ANO6: variants seen among roughly 807,000 people sequenced by gnomAD.
ANO6 encodes anoctamin-6.
Under a neutral mutation model 117.5 loss-of-function variants are expected in ANO6, and 106 were observed. That is an observed-to-expected ratio of 0.90 (90% CI 0.77 to 1.06). ANO6 has a LOEUF of 1.06. Among genes scored for constraint, ANO6 ranks in the 50% least tolerant of loss-of-function variants. The probability of loss-of-function intolerance (pLI) is 0.00; values close to 1 mark genes in which losing one functional copy is unlikely to be tolerated. For missense variants in ANO6, 955 were observed against 1,121.1 expected, an observed-to-expected ratio of 0.85 and a Z score of 2.12; for synonymous variants, 367 against 385.1, an observed-to-expected ratio of 0.95 and a Z score of 0.55.
At chr12:45,413,490 CAGG>C (rs1943137967) in intron 16 of ANO6, among the ~76,000 whole-genome samples, 1 of 152,202 alleles carries the variant, frequency 6.6e-6, no homozygotes, top group Non-Finnish European at 1.5e-5. Context: ...ACACAACAGT[CAGG>C]AGCTCAGAGG....
At chr12:45,331,486 A>AT (rs1463394774) in intron 3 of ANO6, 63 bp downstream of exon 3, 2 of 1,417,216 alleles carry the variant, frequency 1.4e-6, no homozygotes, top group Non-Finnish European at 1.9e-6. Flanking sequence ...AAAAACTGCT[A>AT]TTTTGTATAA....
At chr12:45,393,483 A>G (rs982367979) in intron 12 of ANO6, among the ~76,000 whole-genome samples, 3 of 152,218 alleles carry the variant, frequency 2.0e-5, no homozygotes, top group African/African-American at 7.2e-5. Context: ...CAAATTCAGG[A>G]AATACAGAGA....
chr12:45,319,181 C>A (rs1478944706), intron 2 of ANO6, among the ~76,000 whole-genome samples: 2 of 152,126 alleles, frequency 1.3e-5, no homozygotes, highest in African/African-American at 4.8e-5. Flanking sequence ...AGAGGGCATC[C>A]CTGTCTTGTG....
intron 1 of ANO6, among the ~76,000 whole-genome samples, chr12:45,276,799 A>G (rs2137245432): frequency 6.6e-6 from 1 of 152,272 alleles, no homozygotes; most frequent in African/African-American, 2.4e-5. Context: ...TTACGTTTAT[A>G]TGTGTTCATG....
chr12:45,245,960 A>AAC (rs1555160117), intron 1 of ANO6, among the ~76,000 whole-genome samples: 23 of 151,338 alleles, frequency 1.5e-4, no homozygotes, highest in East Asian at 9.7e-4. Flanking sequence ...AAAAAAAAAA[A>AAC]CCCAAGAACA....
At chr12:45,394,271 A>C (rs528129508) in intron 12 of ANO6, among the ~76,000 whole-genome samples, 65 of 152,356 alleles carry the variant, frequency 4.3e-4, no homozygotes, top group African/African-American at 1.3e-3. Flanking sequence ...GTAATGGTAA[A>C]GGGATCAATT....
chr12:45,388,359 C>T (rs1942356524), intron 11 of ANO6, 56 bp downstream of exon 11: 2 of 1,606,172 alleles, frequency 1.2e-6, no homozygotes, highest in South Asian at 2.2e-5. Context: ...TGGTTCTCCT[C>T]CTTGGCCGCA....
intron 1 of ANO6, among the ~76,000 whole-genome samples, chr12:45,243,776 C>T (rs1947781885): frequency 6.6e-6 from 1 of 152,166 alleles, no homozygotes; most frequent in Non-Finnish European, 1.5e-5. Context: ...TTTTGAACTC[C>T]TGACCTCAGG....
In ANO6 at chr12:45,348,541, C is replaced by T; in HGVS notation, c.657C>T (p.Val219=). The T allele has an allele frequency of 6.2e-7, 1 of 1,613,832 alleles. No individual in the cohort carries two copies. The highest frequency in any genetic ancestry group is 8.5e-7 in the Non-Finnish European group (1 of 1,179,830). The part of the protein sequence containing the change: ...SRIVYFILSR[V]KYQVINNVSK... ...AGGTTTACTTCATCCTCTCTCGGGTCAAGTATCAAGTGATAAACAATGTTA... is the reference window on the plus strand; with the variant it reads ...AGGTTTACTTCATCCTCTCTCGGGTTAAGTATCAAGTGATAAACAATGTTA... Residue 219 remains valine, a synonymous_variant, in exon 6 of 20, where the codon GTC becomes GTT. Coordinates refer to ENST00000320560, the MANE Select transcript of ANO6 (RefSeq NM_001025356.3).
chr12:45,375,953 T>C (rs1239836779), intron 9 of ANO6, among the ~76,000 whole-genome samples: 6 of 146,016 alleles, frequency 4.1e-5, no homozygotes, highest in African/African-American at 1.3e-4. Context: ...CGCAACCTAC[T>C]CATCTGACAA....
chr12:45,364,112 T>C (rs1941624745), intron 8 of ANO6, among the ~76,000 whole-genome samples: 1 of 152,248 alleles, frequency 6.6e-6, no homozygotes, highest in Non-Finnish European at 1.5e-5. Context: ...ACTTTGAATA[T>C]ATCATCCCAC....
chr12:45,384,760 A>C (rs1332001678), intron 10 of ANO6, among the ~76,000 whole-genome samples: 1 of 152,212 alleles, frequency 6.6e-6, no homozygotes, highest in Non-Finnish European at 1.5e-5. Flanking sequence ...AATAATGAAA[A>C]ATTTGAAATG....
intron 1 of ANO6, among the ~76,000 whole-genome samples, chr12:45,295,530 G>T (rs1939260526): frequency 1.3e-5 from 2 of 152,094 alleles, no homozygotes; most frequent in Non-Finnish European, 2.9e-5. Context: ...GTATGTGGCT[G>T]CTTTTACTCT....
At position 45,401,971 on chromosome 12, in the gene ANO6, G is replaced by A; in HGVS notation, c.1563G>A (p.Met521Ile). 4 of 1,613,950 alleles carry A rather than the reference G, an allele frequency of 2.5e-6. No homozygotes were observed. The highest frequency in any genetic ancestry group is 3.4e-6 in the Non-Finnish European group (4 of 1,179,966). Residue 521 changes from methionine to isoleucine, a missense_variant, in exon 13 of 20, where the codon ATG becomes ATA. Transcript: ENST00000320560. ...TASIISFIII[M>I]ILNTIYEKVA... is the part of the protein sequence containing the mutation. ...CCATCATCAGCTTTATAATTATCAT[G>A]ATTCTGAACACCATATATGAAAAAG...
At chr12:45,389,735 G>A (rs1593052055) in intron 11 of ANO6, among the ~76,000 whole-genome samples, 1 of 152,126 alleles carries the variant, frequency 6.6e-6, no homozygotes, top group African/African-American at 2.4e-5. Context: ...TAACTTCCCG[G>A]TGCCTCAGTG....
intron 1 of ANO6, among the ~76,000 whole-genome samples, chr12:45,239,308 A>T (rs568053037): frequency 2.0e-5 from 3 of 152,014 alleles, no homozygotes; most frequent in African/African-American, 7.2e-5. Context: ...TTTCTTCTAG[A>T]TTTTCTAGTT....
intron 1 of ANO6, among the ~76,000 whole-genome samples, chr12:45,275,118 GT>G (rs775877505): frequency 3.3e-5 from 5 of 152,088 alleles, no homozygotes; most frequent in Middle Eastern, 6.8e-3. Flanking sequence ...TGGAATCCCT[GT>G]GTTAAAAATA....
chr12:45,401,768 A>C, intron 12 of ANO6, 27 bp from the exon 13 acceptor site: 1 of 1,580,372 alleles, frequency 6.3e-7, no homozygotes, highest in Non-Finnish European at 8.7e-7. Context: ...GGTGAGTCTC[A>C]TGCTACTGTG....
chr12:45,354,923 G>A (rs892779321), intron 7 of ANO6, among the ~76,000 whole-genome samples: 9 of 152,184 alleles, frequency 5.9e-5, no homozygotes, highest in Non-Finnish European at 1.2e-4. Context: ...TTGAAAGAGA[G>A]CTTAATCCAC....
Sources: allele counts gnomAD v4.1 joint callset (sites outside exome capture counted in the v4.1 genomes callset), GRCh38; gene constraint gnomAD v4.1.1; transcripts MANE v1.5; gene names NCBI Gene and HGNC (gene_info 2026-07-23, HGNC 2026-07-21).